ANO1: variants seen among roughly 807,000 people sequenced by gnomAD.
ANO1 encodes the protein anoctamin-1.
ANO1 carries 59 observed loss-of-function variants against 124.0 expected under a neutral mutation model. The ratio of observed to expected loss-of-function variants is 0.48; its 90% CI spans 0.39 to 0.59. The LOEUF (loss-of-function observed/expected upper bound fraction) is 0.59, where lower values mean the gene tolerates loss of function less well. ANO1 is among the 20% of genes least tolerant of loss of function. The pLI, the probability that ANO1 is intolerant of heterozygous loss-of-function variation, is 0.00. For synonymous variants in ANO1, 529 were observed against 532.0 expected, an observed-to-expected ratio of 0.99 and a Z score of 0.08; for missense variants, 1,059 against 1,328.0, an observed-to-expected ratio of 0.80 and a Z score of 3.15.
intron 1 of ANO1, among the ~76,000 whole-genome samples, chr11:70,054,964 A>T (rs1857411073): frequency 6.6e-6 from 1 of 152,202 alleles, no homozygotes; most frequent in Non-Finnish European, 1.5e-5. Context: ...TTTTCATGAA[A>T]TCCAGTTCAA....
At chr11:70,118,912 G>C (rs1357267678) in intron 8 of ANO1, among the ~76,000 whole-genome samples, 1 of 149,394 alleles carries the variant, frequency 6.7e-6, no homozygotes, top group Non-Finnish European at 1.5e-5. Context: ...ATGCATGCTG[G>C]AGGGATGAAT....
chr11:70,105,520 A>C (rs1335131330), intron 4 of ANO1, among the ~76,000 whole-genome samples: 3 of 152,134 alleles, frequency 2.0e-5, no homozygotes, highest in Non-Finnish European at 4.4e-5. Flanking sequence ...CTTCCCACCT[A>C]TGTGGGTCTC....
In ANO1 at chr11:70,082,255, C is replaced by G. The variant is rs186739976; in HGVS notation, c.108+3541C>G. Among the ~76,000 whole-genome samples, 145 of 152,318 alleles carry G rather than the reference C, an allele frequency of 9.5e-4. No homozygotes were observed. The Middle Eastern group carries it at 0.014, about 14-fold the overall frequency. On this transcript the variant is annotated intron_variant, in intron 1 of 25. Coordinates refer to ENST00000355303, the MANE Select transcript of ANO1 (RefSeq NM_018043.7). ...TCAGCAACCACATATTCAGTGCTAA[C>G]CATCAAAAAGATGAATAAGAGGGCT...
intron 11 of ANO1, among the ~76,000 whole-genome samples, chr11:70,146,452 A>C (rs2047382251): frequency 6.6e-6 from 1 of 152,068 alleles, no homozygotes; most frequent in Non-Finnish European, 1.5e-5. Context: ...TAGTGGGGTG[A>C]GTGTCATAAT....
intron 1 of ANO1, among the ~76,000 whole-genome samples, chr11:69,993,396 C>A (rs1235053950): frequency 6.6e-6 from 1 of 152,164 alleles, no homozygotes; most frequent in African/African-American, 2.4e-5. Context: ...CATAATCTGG[C>A]ATAATGTTTA....
At chr11:70,077,057 C>T (rs1450431074), upstream of ANO1, among the ~76,000 whole-genome samples, 1 of 152,226 alleles carries the variant, frequency 6.6e-6, no homozygotes, top group Non-Finnish European at 1.5e-5. Context: ...CTCTCCAACC[C>T]TATCCTAGCT....
chr11:70,019,531 G>A (rs530748934), intron 1 of ANO1, among the ~76,000 whole-genome samples: 5 of 150,148 alleles, frequency 3.3e-5, no homozygotes, highest in African/African-American at 1.2e-4. Flanking sequence ...CAATTCACAC[G>A]GGCTCACCAG....
chr11:70,040,958 G>A (rs1442325550), intron 1 of ANO1, among the ~76,000 whole-genome samples: 2 of 152,190 alleles, frequency 1.3e-5, no homozygotes, highest in African/African-American at 4.8e-5. Flanking sequence ...ATCATAGCTC[G>A]AGGGCCCTGT....
chr11:70,146,834 G>A (rs891504406), intron 11 of ANO1, among the ~76,000 whole-genome samples: 4 of 152,164 alleles, frequency 2.6e-5, no homozygotes, highest in Non-Finnish European at 5.9e-5. Flanking sequence ...ATCCAACATG[G>A]GAGAAAGATG....
Position 70,095,346 on chromosome 11 carries a change from A to AAAAGAAAG in ANO1, c.441+7338_441+7345dup, listed in dbSNP as rs540551294. ...GAAAGAAAGAAAGGAAAGAGAAAGA[A>AAAAGAAAG]AAAGAAAGAAAGAAAGAAAGAAAGA... On this transcript the variant is annotated intron_variant, in intron 2 of 25. Transcript: ENST00000355303. 1.1e-4 allele frequency among the ~76,000 whole-genome samples: 11 copies of AAAAGAAAG among 104,606 alleles called. 1 individual carries two copies. Among genetic ancestry groups the AAAAGAAAG allele is most frequent in the Admixed American group, 1.1e-4 (1 of 9,106 alleles). The allele number at this position is 104,606 out of a possible 152,430, so 68.6% of individuals were successfully genotyped here. A position where few individuals can be genotyped will look rare whatever the true frequency, so the allele number is the denominator to read the frequency against.
chr11:70,087,942 C>A lies in ANO1; in HGVS notation c.299C>A (p.Pro100His). 6.2e-7 allele frequency: 1 copy of A among 1,602,016 alleles called. No individual in the cohort carries two copies. Among genetic ancestry groups the A allele is most frequent in the Non-Finnish European group, 8.5e-7 (1 of 1,174,122 alleles). The change falls in exon 2 of 26, where the codon CCC becomes CAC. Residue 100 changes from proline to histidine, a missense_variant. Pro to His is a moderately conservative substitution (Grantham distance 77). Transcript: ENST00000355303. ...GCTCGCAGCGTCAAGCAGGACCACCCCCTGCCGGGCAAGGGGGCGTCGCTG... is the reference window on the plus strand; with the variant it reads ...GCTCGCAGCGTCAAGCAGGACCACCACCTGCCGGGCAAGGGGGCGTCGCTG... ...SGARSVKQDH[P>H]LPGKGASLDA...
At chr11:70,078,995 G>A (rs1423950291) in intron 1 of ANO1, among the ~76,000 whole-genome samples, 1 of 152,048 alleles carries the variant, frequency 6.6e-6, no homozygotes, top group African/African-American at 2.4e-5. Context: ...TCGGAGCTCT[G>A]CGGCCCCGAA....
intron 8 of ANO1, among the ~76,000 whole-genome samples, chr11:70,118,364 C>A (rs181259736): frequency 6.6e-6 from 1 of 152,124 alleles, no homozygotes; most frequent in Non-Finnish European, 1.5e-5. Flanking sequence ...AAACACAATG[C>A]GGGTTTGTCC....
chr11:70,106,009 G>A (rs960033483), intron 5 of ANO1, among the ~76,000 whole-genome samples: 1 of 152,138 alleles, frequency 6.6e-6, no homozygotes, highest in Non-Finnish European at 1.5e-5. Flanking sequence ...CACAGAGCTT[G>A]GGAAAGCAGG....
chr11:70,146,975 A>G (rs2047402175), intron 11 of ANO1, among the ~76,000 whole-genome samples: 1 of 152,076 alleles, frequency 6.6e-6, no homozygotes, highest in African/African-American at 2.4e-5. Context: ...CACTGACTCA[A>G]ATGTTAATCT....
At chr11:69,978,429 C>T in the ANO1 span, among the ~76,000 whole-genome samples, 1 of 152,192 alleles carries the variant, frequency 6.6e-6, no homozygotes, top group Admixed American at 6.5e-5. Context: ...TGGCTCACTA[C>T]AGCCTTGACC....
chr11:70,014,263 AC>A (rs1274818580), intron 1 of ANO1, among the ~76,000 whole-genome samples: 5 of 83,570 alleles, frequency 6.0e-5, no homozygotes, highest in South Asian at 1.3e-3. Flanking sequence ...AAAGATTGCA[AC>A]CCCCCCACCC....
intron 11 of ANO1, among the ~76,000 whole-genome samples, chr11:70,133,527 C>A (rs1215962260): frequency 6.6e-6 from 1 of 152,184 alleles, no homozygotes; most frequent in Non-Finnish European, 1.5e-5. Flanking sequence ...GGGACTGAAG[C>A]ACCAGCACCC....
chr11:70,100,002 CAG>C (rs2045196197), intron 2 of ANO1, among the ~76,000 whole-genome samples: 1 of 152,194 alleles, frequency 6.6e-6, no homozygotes, highest in South Asian at 2.1e-4. Flanking sequence ...CATCAGTTCT[CAG>C]AGGGAGCCCA....
Sources: gnomAD v4.1 joint callset for allele counts (sites outside exome capture counted in the v4.1 genomes callset) on GRCh38, gnomAD v4.1.1 for gene constraint, MANE v1.5 for transcripts, NCBI Gene and HGNC (gene_info 2026-07-23, HGNC 2026-07-21) for gene names.